DEFB130A: variants seen among roughly 807,000 people sequenced by gnomAD.
The protein encoded by DEFB130A is defensin beta 130A.
chr8:12,311,753 A>T (rs1809455786), intron 1 of DEFB130A, among the ~76,000 whole-genome samples: 1 of 109,262 alleles, frequency 9.2e-6, no homozygotes, highest in Non-Finnish European at 1.9e-5. Flanking sequence ...ATAGATAGAT[A>T]GATAGATAGA....
At chr8:12,311,774 G>T (rs534403885) in intron 1 of DEFB130A, among the ~76,000 whole-genome samples, 1 of 112,130 alleles carries the variant, frequency 8.9e-6, no homozygotes, top group Non-Finnish European at 1.8e-5. Context: ...TAGATAGACA[G>T]ACAGACACCT....
chr8:12,316,911 G>GCTAC (rs1190880306), intron 1 of DEFB130A, among the ~76,000 whole-genome samples: 49 of 129,348 alleles, frequency 3.8e-4, no homozygotes, highest in Non-Finnish European at 7.5e-4. Context: ...TTAAAACAGA[G>GCTAC]CTACCATTCC....
At chr8:12,316,176 T>C (rs1179429140) in intron 1 of DEFB130A, among the ~76,000 whole-genome samples, 1 of 44,534 alleles carries the variant, frequency 2.2e-5, no homozygotes, top group Non-Finnish European at 3.5e-5. Context: ...TGCACATTTA[T>C]AACCATCTGC....
rs1487072841 is a variant in DEFB130A, at chr8:12,311,694, A to C, written c.59-551T>G. 3.3e-5 allele frequency among the ~76,000 whole-genome samples: 2 copies of C among 61,174 alleles called. 1 individual carries two copies. Among genetic ancestry groups the C allele is most frequent in the Non-Finnish European group, 5.7e-5 (2 of 35,338 alleles). 40.1% of individuals were successfully genotyped at this position (61,174 alleles called of 152,430 possible). A position where few individuals can be genotyped will look rare whatever the true frequency, so the allele number is the denominator to read the frequency against. On this transcript the variant is annotated intron_variant, in intron 1 of 1. Coordinates refer to ENST00000400079, the MANE Select transcript of DEFB130A (RefSeq NM_001037804.1). ...TTCCTCATTTCAGAAGTATGTAAGA[A>C]ATACCTTTCCTATGTTGCTCAATAC...
intron 1 of DEFB130A, among the ~76,000 whole-genome samples, chr8:12,316,902 TAAAAC>T (rs1238633691): frequency 7.5e-5 from 10 of 133,474 alleles, no homozygotes; most frequent in Non-Finnish European, 1.6e-4. Flanking sequence ...TCAAAGAACT[TAAAAC>T]AGAGCTACCA....
rs1344116520 is a variant in DEFB130A at position 12,312,102 on chromosome 8, C to G, written c.59-959G>C. On this transcript the variant is annotated intron_variant, in intron 1 of 1. Coordinates refer to ENST00000400079, the MANE Select transcript of DEFB130A (RefSeq NM_001037804.1). ...GCCTCTAATATACTACCTCTGGCTTCTTTGCTTCTGTAGATGAGTAACAGT... is the reference window on the plus strand; with the variant it reads ...GCCTCTAATATACTACCTCTGGCTTGTTTGCTTCTGTAGATGAGTAACAGT... Among the ~76,000 whole-genome samples, 2 of 20,954 alleles carry G rather than the reference C, an allele frequency of 9.5e-5. 1 individual carries two copies. Among genetic ancestry groups the G allele is most frequent in the African/African-American group, 3.0e-4 (2 of 6,674 alleles). 13.7% of individuals were successfully genotyped at this position (20,954 alleles called of 152,430 possible).
Position 12,318,281 on chromosome 8 carries a change from G to C in DEFB130A, c.36C>G (p.Leu12=), listed in dbSNP as rs1264374652. 6.7e-6 allele frequency: 2 copies of C among 298,402 alleles called. No individual in the cohort carries two copies. Among genetic ancestry groups the C allele is most frequent in the Non-Finnish European group, 1.0e-5 (2 of 192,334 alleles). The allele number at this position is 298,402 out of a possible 1,614,324, so 18.5% of individuals were successfully genotyped here. A position where few individuals can be genotyped will look rare whatever the true frequency, so the allele number is the denominator to read the frequency against. ...TACCTTTTGGTATTAAAGTCACAAA[G>C]AGGAGGAGAACAGAAATAAGGGAAT... is the stretch of plus-strand genomic sequence containing the variant. The part of the protein sequence containing the change: ...KLHSLISVLL[L]FVTLIPKGKT... The change falls in exon 1 of 2, where the codon CTC becomes CTG. Residue 12 remains leucine, a synonymous_variant. Coordinates refer to ENST00000400079, the MANE Select transcript of DEFB130A (RefSeq NM_001037804.1).
rs567965523 is a variant in DEFB130A, at chr8:12,316,877, C to G, written c.58+1382G>C. Among the ~76,000 whole-genome samples, 221 of 140,066 alleles carry G rather than the reference C, an allele frequency of 1.6e-3. 14 individuals carry two copies. The highest frequency in any genetic ancestry group is 6.0e-3 in the African/African-American group (217 of 36,136). 91.9% of individuals were successfully genotyped at this position (140,066 alleles called of 152,430 possible). A position where few individuals can be genotyped will look rare whatever the true frequency, so the allele number is the denominator to read the frequency against. ...TTATACACTGTTGGTGGGAATGTAA[C>G]AGTCTGAAGATTTCTCAAAGAACTT... On this transcript the variant is annotated intron_variant, in intron 1 of 1. Coordinates refer to ENST00000400079, the MANE Select transcript of DEFB130A (RefSeq NM_001037804.1).
At position 12,311,850 on chromosome 8, in the gene DEFB130A, C is replaced by A. The variant is rs564472425; in HGVS notation, c.59-707G>T. Among the ~76,000 whole-genome samples the A allele has an allele frequency of 4.9e-5, 5 of 101,612 alleles. 1 individual carries two copies. The highest frequency in any genetic ancestry group is 8.5e-5 in the Non-Finnish European group (4 of 47,160). The allele number at this position is 101,612 out of a possible 152,430, so 66.7% of individuals were successfully genotyped here. A position where few individuals can be genotyped will look rare whatever the true frequency, so the allele number is the denominator to read the frequency against. On this transcript the variant is annotated intron_variant, in intron 1 of 1. Transcript: ENST00000400079. The stretch of plus-strand genomic sequence containing the variant: ...AGTGTATCCACATGTTCTCTTAATT[C>A]ATCTGGTTTTTGAGAAGCATATGGC...
In DEFB130A at chr8:12,311,973, C is replaced by G. The variant is rs907724823; in HGVS notation, c.59-830G>C. Among the ~76,000 whole-genome samples the G allele has an allele frequency of 8.1e-5, 5 of 61,678 alleles. 1 individual carries two copies. The highest frequency in any genetic ancestry group is 2.6e-4 in the African/African-American group (5 of 19,256). 40.5% of individuals were successfully genotyped at this position (61,678 alleles called of 152,430 possible). A position where few individuals can be genotyped will look rare whatever the true frequency, so the allele number is the denominator to read the frequency against. On this transcript the variant is annotated intron_variant, in intron 1 of 1. Transcript: ENST00000400079. ...AGTTTATTTTTCCTACTGTATATCACTGCAGATGTTATATAAGAAAAACAC... is the reference window on the plus strand; with the variant it reads ...AGTTTATTTTTCCTACTGTATATCAGTGCAGATGTTATATAAGAAAAACAC...
intron 1 of DEFB130A, among the ~76,000 whole-genome samples, chr8:12,316,903 A>G (rs905501783): frequency 1.5e-5 from 2 of 134,066 alleles, no homozygotes; most frequent in African/African-American, 6.0e-5. Context: ...CAAAGAACTT[A>G]AAACAGAGCT....
intron 1 of DEFB130A, among the ~76,000 whole-genome samples, chr8:12,316,725 C>G (rs1001259237): frequency 3.0e-5 from 4 of 135,280 alleles, no homozygotes; most frequent in African/African-American, 8.9e-5. Context: ...TAGCTCAACA[C>G]CACTAATCAC....
chr8:12,316,220 A>G (rs1809536528), intron 1 of DEFB130A, among the ~76,000 whole-genome samples: 1 of 33,714 alleles, frequency 3.0e-5, no homozygotes, highest in Non-Finnish European at 4.4e-5. Context: ...AAACAACGGG[A>G]AAAGGACTCC....
intron 1 of DEFB130A, among the ~76,000 whole-genome samples, chr8:12,316,823 G>C (rs1809551273): frequency 6.7e-6 from 1 of 149,296 alleles, no homozygotes; most frequent in African/African-American, 2.6e-5. Flanking sequence ...TAACAGAAAC[G>C]CAGATGAGGC....
At chr8:12,316,570 G>T (rs926106421) in intron 1 of DEFB130A, among the ~76,000 whole-genome samples, 2 of 38,774 alleles carry the variant, frequency 5.2e-5, no homozygotes, top group African/African-American at 2.7e-4. Context: ...TGCTAACTAT[G>T]CATCTGACAA....
At chr8:12,316,981 A>C (rs1809559253) in intron 1 of DEFB130A, among the ~76,000 whole-genome samples, 1 of 93,936 alleles carries the variant, frequency 1.1e-5, no homozygotes, top group Non-Finnish European at 2.1e-5. Flanking sequence ...TACCCAAAAC[A>C]TACCTGCACT....
intron 1 of DEFB130A, among the ~76,000 whole-genome samples, chr8:12,315,335 G>C (rs200084691): frequency 0.14 from 10,328 of 76,486 alleles, 930 homozygotes; most frequent in Admixed American, 0.24. Context: ...AATCATATGT[G>C]AGGTGGATCT....
At chr8:12,316,515 C>G (rs1419370611) in intron 1 of DEFB130A, among the ~76,000 whole-genome samples, 1 of 25,752 alleles carries the variant, frequency 3.9e-5, no homozygotes, top group Admixed American at 5.0e-4. Context: ...GAAAAAGAAA[C>G]TATTAACAGG....
chr8:12,316,594 G>A (rs1343734656), intron 1 of DEFB130A, among the ~76,000 whole-genome samples: 1 of 42,216 alleles, frequency 2.4e-5, no homozygotes, highest in Non-Finnish European at 4.1e-5. Context: ...TTTAATATCC[G>A]GAATCTACAG....
Sources: gnomAD v4.1 joint callset for allele counts (sites outside exome capture counted in the v4.1 genomes callset) on GRCh38, gnomAD v4.1.1 for gene constraint, MANE v1.5 for transcripts, NCBI Gene and HGNC (gene_info 2026-07-23, HGNC 2026-07-21) for gene names.